ROR1: variants seen among roughly 807,000 people sequenced by gnomAD.
ROR1 encodes the protein inactive tyrosine-protein kinase transmembrane receptor ROR1.
A neutral mutation model predicts 78.8 loss-of-function variants in ROR1; 19 were observed. That is an observed-to-expected ratio of 0.24 (90% CI 0.17 to 0.35). The LOEUF (loss-of-function observed/expected upper bound fraction) is 0.35. Ranked by LOEUF, ROR1 falls within the 10% of genes least tolerant of loss-of-function variation. The pLI is 1.00. For synonymous variants in ROR1, 386 were observed against 433.6 expected, an observed-to-expected ratio of 0.89 and a Z score of 1.36; for missense variants, 917 against 1,177.8, an observed-to-expected ratio of 0.78 and a Z score of 3.24.
At chr1:63,912,799 T>G (rs1645581963) in intron 1 of ROR1, among the ~76,000 whole-genome samples, 1 of 152,178 alleles carries the variant, frequency 6.6e-6, no homozygotes, top group Non-Finnish European at 1.5e-5. Context: ...TCTTTTGAGT[T>G]GGACTGTGGC....
rs1270505939 is a variant in ROR1, at chr1:64,160,838, G to C, written c.1386+1646G>C. Among the ~76,000 whole-genome samples the C allele has an allele frequency of 3.3e-5, 5 of 152,160 alleles. No individual in the cohort carries two copies. The South Asian group carries it at 6.2e-4, about 19-fold the overall frequency. ...CTTAGAAACACCAGAACTCTGGGCG[G>C]GGGAGAGACCTAGATCATTTTGGTT... On this transcript the variant is annotated intron_variant, in intron 8 of 8. Transcript: ENST00000371079.
At chr1:64,088,384 T>G (rs925867199) in intron 4 of ROR1, among the ~76,000 whole-genome samples, 8 of 152,132 alleles carry the variant, frequency 5.3e-5, no homozygotes, top group African/African-American at 1.7e-4. Context: ...GATAGGCAGA[T>G]GACAAAACCA....
intron 8 of ROR1, among the ~76,000 whole-genome samples, chr1:64,172,674 A>G (rs1275539830): frequency 6.6e-6 from 1 of 152,194 alleles, no homozygotes; most frequent in African/African-American, 2.4e-5. Context: ...CATTTTGTAC[A>G]TCCCTGTATG....
intron 1 of ROR1, among the ~76,000 whole-genome samples, chr1:63,930,788 C>G (rs1486247098): frequency 6.6e-6 from 1 of 152,178 alleles, no homozygotes; most frequent in Non-Finnish European, 1.5e-5. Flanking sequence ...ACAGTTTCCT[C>G]CTTTATATTC....
At chr1:64,102,318 TG>T (rs1480451410) in intron 4 of ROR1, among the ~76,000 whole-genome samples, 1 of 152,206 alleles carries the variant, frequency 6.6e-6, no homozygotes, top group Non-Finnish European at 1.5e-5. Flanking sequence ...CCAAATCTAT[TG>T]CCTCTATCCC....
At chr1:63,905,530 T>G (rs1645521169) in intron 1 of ROR1, among the ~76,000 whole-genome samples, 1 of 152,180 alleles carries the variant, frequency 6.6e-6, no homozygotes, top group African/African-American at 2.4e-5. Context: ...GTATACAAGT[T>G]TATATTAATT....
At chr1:64,053,467 C>T (rs2100596151) in intron 4 of ROR1, among the ~76,000 whole-genome samples, 1 of 152,260 alleles carries the variant, frequency 6.6e-6, no homozygotes, top group East Asian at 1.9e-4. Context: ...GGTTTCCGTT[C>T]ATAGATTTAG....
chr1:63,904,961 C>T (rs142829687), intron 1 of ROR1, among the ~76,000 whole-genome samples: 11 of 152,242 alleles, frequency 7.2e-5, no homozygotes, highest in Non-Finnish European at 1.6e-4. Flanking sequence ...ACTGGCTCCT[C>T]GTGGGATCGC....
intron 4 of ROR1, among the ~76,000 whole-genome samples, chr1:64,051,830 A>G (rs182424271): frequency 1.8e-4 from 27 of 152,374 alleles, no homozygotes. Flanking sequence ...CCACAAGAGC[A>G]TCAAAATGTT....
At chr1:64,037,833 C>T (rs1373834616) in intron 2 of ROR1, among the ~76,000 whole-genome samples, 8 of 152,072 alleles carry the variant, frequency 5.3e-5, no homozygotes, top group Admixed American at 2.0e-4. Flanking sequence ...ATGCATGGTA[C>T]ATGTCACCAA....
At chr1:63,909,736 G>A (rs1437845204) in intron 1 of ROR1, among the ~76,000 whole-genome samples, 2 of 152,038 alleles carry the variant, frequency 1.3e-5, no homozygotes, top group African/African-American at 2.4e-5. Flanking sequence ...GTCAATCAGT[G>A]TGAGTAACTG....
chr1:64,020,793 G>A (rs834488), intron 2 of ROR1, among the ~76,000 whole-genome samples: 45,870 of 151,936 alleles, frequency 0.3, 7,483 homozygotes, highest in South Asian at 0.47. Flanking sequence ...AGCAGACGGC[G>A]AGCTCTGCAA....
At chr1:63,890,612 T>C (rs770536203) in intron 1 of ROR1, among the ~76,000 whole-genome samples, 1 of 151,944 alleles carries the variant, frequency 6.6e-6, no homozygotes, top group Admixed American at 6.6e-5. Flanking sequence ...AAGATTTATC[T>C]TGGGTGATGA....
At chr1:63,863,741 GTATTGTATTGTATTGTATT>G (rs1455178916) in intron 1 of ROR1, among the ~76,000 whole-genome samples, 10 of 142,844 alleles carry the variant, frequency 7.0e-5, no homozygotes, top group Non-Finnish European at 1.2e-4. Context: ...GTATTGTATT[GTATTGTATTGTATTGTATT>G]GTATTGTATT....
chr1:63,877,492 C>G (rs1645295292), intron 1 of ROR1, among the ~76,000 whole-genome samples: 1 of 151,992 alleles, frequency 6.6e-6, no homozygotes, highest in African/African-American at 2.4e-5. Flanking sequence ...TGCATTTTAG[C>G]CTATACTTTT....
chr1:64,098,438 G>A (rs1647386872), intron 4 of ROR1, among the ~76,000 whole-genome samples: 1 of 152,090 alleles, frequency 6.6e-6, no homozygotes, highest in South Asian at 2.1e-4. Flanking sequence ...AGGTTCCGCG[G>A]TCTCTCTTAA....
intron 1 of ROR1, among the ~76,000 whole-genome samples, chr1:63,973,322 G>C (rs1011349217): frequency 9.2e-5 from 14 of 152,094 alleles, no homozygotes; most frequent in Non-Finnish European, 1.9e-4. Flanking sequence ...GCTCCCCCTG[G>C]GCTGCCCAGA....
chr1:64,148,842 C>T (rs1460960106), intron 7 of ROR1, among the ~76,000 whole-genome samples: 1 of 152,120 alleles, frequency 6.6e-6, no homozygotes, highest in African/African-American at 2.4e-5. Flanking sequence ...TCTCATCCTC[C>T]ATGTCTTTTC....
intron 1 of ROR1, among the ~76,000 whole-genome samples, chr1:63,991,485 T>C (rs778285590): frequency 6.6e-6 from 1 of 152,194 alleles, no homozygotes; most frequent in Non-Finnish European, 1.5e-5. Flanking sequence ...CTGTTTGCCA[T>C]ATATGCATTT....
Sources: gnomAD v4.1 joint callset for allele counts (sites outside exome capture counted in the v4.1 genomes callset) on GRCh38, gnomAD v4.1.1 for gene constraint, MANE v1.5 for transcripts, NCBI Gene and HGNC (gene_info 2026-07-23, HGNC 2026-07-21) for gene names.